The following CYYR1 variants were observed in gnomAD, a reference collection of about 807,000 sequenced individuals.
CYYR1 encodes cysteine and tyrosine-rich protein 1.
CYYR1 carries 14 observed loss-of-function variants against 15.2 expected under a neutral mutation model. The observed-to-expected ratio is 0.92, with a 90% CI of 0.61 to 1.44. The LOEUF (loss-of-function observed/expected upper bound fraction) is 1.44, where lower values mean the gene tolerates loss of function less well. Among genes scored for constraint, CYYR1 ranks in the 40% most tolerant of loss-of-function variants. The probability of loss-of-function intolerance (pLI) is 0.00; values close to 1 mark genes in which losing one functional copy is unlikely to be tolerated. For missense variants in CYYR1, 228 were observed against 209.5 expected (o/e 1.09, Z -0.54); for synonymous variants, 80 against 77.4 (o/e 1.03, Z -0.18).
intron 2 of CYYR1, among the ~76,000 whole-genome samples, chr21:26,513,859 A>T (rs1410298062): frequency 6.8e-6 from 1 of 147,512 alleles, no homozygotes; most frequent in Admixed American, 6.8e-5. Context: ...GTGGGAATTG[A>T]ACAATGAGAA....
At chr21:26,475,055 A>C (rs9984299) in intron 3 of CYYR1, among the ~76,000 whole-genome samples, 5,710 of 152,242 alleles carry the variant, frequency 0.038, 331 homozygotes, top group African/African-American at 0.13. Flanking sequence ...GCTTAATGTG[A>C]CTAAAGAAAA....
intron 2 of CYYR1, among the ~76,000 whole-genome samples, chr21:26,488,796 T>C (rs1485614323): frequency 6.6e-6 from 1 of 152,142 alleles, no homozygotes; most frequent in Non-Finnish European, 1.5e-5. Context: ...ACAAGAGCCA[T>C]ATCCTAGGGA....
At chr21:26,541,651 TAAA>T (rs755528964) in intron 2 of CYYR1, among the ~76,000 whole-genome samples, 38 of 152,180 alleles carry the variant, frequency 2.5e-4, no homozygotes, top group Non-Finnish European at 4.6e-4. Flanking sequence ...TGAGATCAGA[TAAA>T]AATTCAGATT....
intron 2 of CYYR1, among the ~76,000 whole-genome samples, chr21:26,565,413 A>G (rs1980542144): frequency 6.6e-6 from 1 of 152,202 alleles, no homozygotes; most frequent in African/African-American, 2.4e-5. Context: ...ACTGACTTGA[A>G]AAACAAGAAC....
At chr21:26,487,432 C>G (rs1014172947) in intron 2 of CYYR1, among the ~76,000 whole-genome samples, 1 of 152,004 alleles carries the variant, frequency 6.6e-6, no homozygotes, top group Non-Finnish European at 1.5e-5. Flanking sequence ...CGCTGAAAGT[C>G]GACTACATAC....
chr21:26,537,877 G>A (rs915643752), intron 2 of CYYR1, among the ~76,000 whole-genome samples: 1 of 152,082 alleles, frequency 6.6e-6, no homozygotes, highest in African/African-American at 2.4e-5. Flanking sequence ...TCCACCATGC[G>A]AGGAGAAGAC....
chr21:26,490,803 C>T (rs537829715), intron 2 of CYYR1, among the ~76,000 whole-genome samples: 1 of 152,298 alleles, frequency 6.6e-6, no homozygotes, highest in South Asian at 2.1e-4. Flanking sequence ...AATGGCCTGC[C>T]TTGCTCTCAT....
intron 2 of CYYR1, among the ~76,000 whole-genome samples, chr21:26,517,057 G>A (rs548543596): frequency 1.5e-5 from 2 of 133,976 alleles, no homozygotes; most frequent in Admixed American, 8.1e-5. Flanking sequence ...GGAGCTTGCA[G>A]TGAGCCGAGA....
At chr21:26,535,054 C>T (rs2065978062) in intron 2 of CYYR1, among the ~76,000 whole-genome samples, 1 of 151,940 alleles carries the variant, frequency 6.6e-6, no homozygotes, top group Non-Finnish European at 1.5e-5. Context: ...TCCCACAGTT[C>T]ATTGGAAATT....
intron 2 of CYYR1, among the ~76,000 whole-genome samples, chr21:26,511,226 A>T (rs961860978): frequency 6.6e-6 from 1 of 152,240 alleles, no homozygotes; most frequent in Non-Finnish European, 1.5e-5. Context: ...TGCCACTGGT[A>T]TCTGTGTTAT....
intron 2 of CYYR1, among the ~76,000 whole-genome samples, chr21:26,498,321 A>G (rs1346110515): frequency 6.6e-6 from 1 of 152,206 alleles, no homozygotes; most frequent in Non-Finnish European, 1.5e-5. Context: ...TTCTTATAGG[A>G]TCACGTCCAA....
At chr21:26,513,109 A>T (rs1250755107) in intron 2 of CYYR1, among the ~76,000 whole-genome samples, 1 of 152,088 alleles carries the variant, frequency 6.6e-6, no homozygotes, top group Non-Finnish European at 1.5e-5. Flanking sequence ...GTTGATATCT[A>T]TCACTGAAAG....
intron 2 of CYYR1, among the ~76,000 whole-genome samples, chr21:26,512,886 G>T (rs1044345313): frequency 2.0e-5 from 3 of 152,088 alleles, no homozygotes; most frequent in African/African-American, 7.2e-5. Flanking sequence ...AACCTGTGTG[G>T]CTGTATACTA....
At chr21:26,572,826 G>A (rs1317091491) in intron 1 of CYYR1, 42 bp downstream of exon 1, 8 of 1,609,034 alleles carry the variant, frequency 5.0e-6, no homozygotes, top group Non-Finnish European at 6.8e-6. Context: ...CCCAAGGGCA[G>A]CCCCGAGCCT....
chr21:26,503,369 T>C (rs1033900278), intron 2 of CYYR1, among the ~76,000 whole-genome samples: 1 of 152,202 alleles, frequency 6.6e-6, no homozygotes, highest in African/African-American at 2.4e-5. Flanking sequence ...AACAGTATAT[T>C]ACTGAGTATT....
intron 2 of CYYR1, among the ~76,000 whole-genome samples, chr21:26,489,721 G>A (rs1395811283): frequency 6.6e-6 from 1 of 152,018 alleles, no homozygotes; most frequent in Non-Finnish European, 1.5e-5. Flanking sequence ...AGTTACAGAA[G>A]TTTCTAGAAC....
At chr21:26,485,137 T>C (rs1056239988) in intron 2 of CYYR1, among the ~76,000 whole-genome samples, 13 of 152,060 alleles carry the variant, frequency 8.5e-5, no homozygotes, top group African/African-American at 3.1e-4. Context: ...TCAGGGAATG[T>C]ATTTTTTTTA....
chr21:26,506,301 G>A (rs185946791), intron 2 of CYYR1, among the ~76,000 whole-genome samples: 82 of 152,260 alleles, frequency 5.4e-4, no homozygotes, highest in African/African-American at 1.9e-3. Flanking sequence ...AAATGCCCCT[G>A]CTTAATTTAT....
intron 2 of CYYR1, among the ~76,000 whole-genome samples, chr21:26,515,660 T>C (rs770276821): frequency 8.5e-5 from 13 of 152,212 alleles, no homozygotes; most frequent in Admixed American, 2.0e-4. Context: ...TCTCCCCAAC[T>C]CATGGAGCAT....
Sources: gnomAD v4.1 joint callset for allele counts (sites outside exome capture counted in the v4.1 genomes callset) on GRCh38, gnomAD v4.1.1 for gene constraint, MANE v1.5 for transcripts, NCBI Gene and HGNC (gene_info 2026-07-23, HGNC 2026-07-21) for gene names.